SSBP2: variants seen among roughly 807,000 people sequenced by gnomAD.
SSBP2 encodes the protein single-stranded DNA-binding protein 2.
A neutral mutation model predicts 61.8 loss-of-function variants in SSBP2; 17 were observed. The observed-to-expected ratio is 0.28, with a 90% CI of 0.19 to 0.41. The LOEUF is 0.41. SSBP2 is among the 10% of genes least tolerant of loss of function. SSBP2 has a pLI of 1.00. For synonymous variants in SSBP2, 139 were observed against 141.3 expected (o/e 0.98, Z 0.12); for missense variants, 310 against 458.7 (o/e 0.68, Z 2.96).
chr5:81,427,910 A>T (rs543092737), intron 16 of SSBP2, among the ~76,000 whole-genome samples: 174 of 152,314 alleles, frequency 1.1e-3, no homozygotes, highest in Non-Finnish European at 2.9e-4. Context: ...TTCTAATGTG[A>T]AATATTAATG....
At chr5:81,497,551 A>G (rs990021912) in intron 5 of SSBP2, among the ~76,000 whole-genome samples, 2 of 152,190 alleles carry the variant, frequency 1.3e-5, no homozygotes, top group Admixed American at 1.3e-4. Flanking sequence ...AAATCAGACT[A>G]TTGGTATAAC....
chr5:81,621,964 G>A (rs1206166381), intron 3 of SSBP2, among the ~76,000 whole-genome samples: 1 of 115,090 alleles, frequency 8.7e-6, no homozygotes, highest in African/African-American at 3.3e-5. Flanking sequence ...GGTGGGGTCG[G>A]GGGAGGGGGG....
intron 5 of SSBP2, among the ~76,000 whole-genome samples, chr5:81,489,829 G>C (rs1389262625): frequency 6.6e-6 from 1 of 151,944 alleles, no homozygotes; most frequent in Non-Finnish European, 1.5e-5. Flanking sequence ...AAAAAGCTCT[G>C]GCTTTTCCTC....
At chr5:81,585,505 G>C (rs1348307867) in intron 4 of SSBP2, among the ~76,000 whole-genome samples, 2 of 151,368 alleles carry the variant, frequency 1.3e-5, no homozygotes, top group Non-Finnish European at 2.9e-5. Context: ...CCAGCCTGTG[G>C]TACAAAGGTA....
intron 2 of SSBP2, among the ~76,000 whole-genome samples, chr5:81,642,887 C>T (rs1188928323): frequency 6.6e-6 from 1 of 152,094 alleles, no homozygotes; most frequent in Non-Finnish European, 1.5e-5. Context: ...TATAGATGTA[C>T]ATACATAAAT....
At chr5:81,525,814 T>A (rs1187532432) in intron 4 of SSBP2, among the ~76,000 whole-genome samples, 6 of 152,064 alleles carry the variant, frequency 3.9e-5, no homozygotes, top group African/African-American at 1.4e-4. Context: ...ACCTCTCTCA[T>A]CTGCTTCCTC....
chr5:81,685,562 C>T (rs1252223184), intron 1 of SSBP2, among the ~76,000 whole-genome samples: 1 of 152,012 alleles, frequency 6.6e-6, no homozygotes, highest in African/African-American at 2.4e-5. Flanking sequence ...AAAGAAGTTG[C>T]CCTACTTATA....
chr5:81,726,176 T>C (rs1054232494), intron 1 of SSBP2, among the ~76,000 whole-genome samples: 5 of 152,168 alleles, frequency 3.3e-5, no homozygotes, highest in African/African-American at 9.7e-5. Flanking sequence ...CAAAAGCTGA[T>C]AGTCTGTCAT....
chr5:81,697,107 T>C (rs1249235453), intron 1 of SSBP2, among the ~76,000 whole-genome samples: 1 of 152,236 alleles, frequency 6.6e-6, no homozygotes, highest in Non-Finnish European at 1.5e-5. Context: ...TTAAAATAAT[T>C]TTAATTTATC....
chr5:81,447,949 T>A (rs1032783507), intron 11 of SSBP2: 1 of 152,220 alleles, frequency 6.6e-6, no homozygotes, highest in African/African-American at 2.4e-5. Flanking sequence ...CAAAGCAGTG[T>A]GTGCTTTTCA....
At chr5:81,541,114 A>G (rs1419513726) in intron 4 of SSBP2, among the ~76,000 whole-genome samples, 3 of 152,142 alleles carry the variant, frequency 2.0e-5, no homozygotes, top group Admixed American at 6.5e-5. Flanking sequence ...GCATTTCTAT[A>G]TACTAATCAT....
chr5:81,501,894 A>C (rs1424421148), intron 5 of SSBP2, among the ~76,000 whole-genome samples: 1 of 151,850 alleles, frequency 6.6e-6, no homozygotes, highest in Admixed American at 6.6e-5. Flanking sequence ...TGAAAATGGT[A>C]CCCGATTGCT....
chr5:81,668,374 A>G lies in SSBP2; in HGVS notation c.63-18035T>C, dbSNP rs574895157. Among the ~76,000 whole-genome samples, 9 of 152,136 alleles carry G rather than the reference A, an allele frequency of 5.9e-5. No individual in the cohort carries two copies. In the South Asian group the frequency reaches 1.9e-3, roughly 32 times the overall value. On this transcript the variant is annotated intron_variant, in intron 1 of 16. Coordinates refer to ENST00000320672, the MANE Select transcript of SSBP2 (RefSeq NM_012446.5). Reference sequence around the variant, plus strand: ...GCATTCAAATACGAATAGCCAAAACACAGTTACTCTAACCAAATATTCCTA... The same window carrying G: ...GCATTCAAATACGAATAGCCAAAACGCAGTTACTCTAACCAAATATTCCTA...
intron 4 of SSBP2, among the ~76,000 whole-genome samples, chr5:81,592,478 G>C (rs1463671871): frequency 2.0e-5 from 3 of 152,200 alleles, no homozygotes; most frequent in African/African-American, 7.2e-5. Context: ...CTGTCTGACA[G>C]CTTTGAAGAG....
In SSBP2 at chr5:81,518,860, G is replaced by T. The variant is rs183666784; in HGVS notation, c.283-5143C>A. ...TTTTTGCCTTTTCATTTTTGGAGTA[G>T]TATTATTTAGTGTTTCTTTTGGGAA... On this transcript the variant is annotated intron_variant, in intron 4 of 16. Transcript: ENST00000320672. 2.2e-3 allele frequency among the ~76,000 whole-genome samples: 328 copies of T among 152,208 alleles called. 1 individual carries two copies. Among genetic ancestry groups the T allele is most frequent in the African/African-American group, 7.6e-3 (314 of 41,554 alleles).
At chr5:81,479,520 G>C (rs1765825778) in intron 6 of SSBP2, among the ~76,000 whole-genome samples, 1 of 151,946 alleles carries the variant, frequency 6.6e-6, no homozygotes, top group Non-Finnish European at 1.5e-5. Flanking sequence ...TTGAACTCCT[G>C]ACCTCAAGTG....
chr5:81,434,952 T>C (rs1223223070), intron 15 of SSBP2, among the ~76,000 whole-genome samples: 1 of 152,106 alleles, frequency 6.6e-6, no homozygotes, highest in East Asian at 1.9e-4. Flanking sequence ...ATGTGCACGA[T>C]GCTACTGATG....
chr5:81,497,861 T>C (rs1394195272), intron 5 of SSBP2, among the ~76,000 whole-genome samples: 1 of 152,126 alleles, frequency 6.6e-6, no homozygotes, highest in African/African-American at 2.4e-5. Flanking sequence ...GTAAACATGA[T>C]TTGGCACAAA....
chr5:81,597,878 G>T, intron 4 of SSBP2, among the ~76,000 whole-genome samples: 1 of 113,048 alleles, frequency 8.8e-6, no homozygotes, highest in Admixed American at 1.1e-4. Flanking sequence ...GGAGGGGGAG[G>T]GATAGCATTA....
Sources: gnomAD v4.1 joint callset for allele counts (sites outside exome capture counted in the v4.1 genomes callset) on GRCh38, gnomAD v4.1.1 for gene constraint, MANE v1.5 for transcripts, NCBI Gene and HGNC (gene_info 2026-07-23, HGNC 2026-07-21) for gene names.